SNTG2: variants seen among roughly 807,000 people sequenced by gnomAD.
The protein encoded by SNTG2 is gamma-2-syntrophin.
A neutral mutation model predicts 70.9 loss-of-function variants in SNTG2; 74 were observed. That is an observed-to-expected ratio of 1.04 (90% CI 0.86 to 1.27). The LOEUF (loss-of-function observed/expected upper bound fraction) is 1.27. Among genes scored for constraint, SNTG2 ranks in the 50% most tolerant of loss-of-function variants. The pLI is 0.00. For synonymous variants in SNTG2, 278 were observed against 273.8 expected (o/e 1.02, Z -0.15); for missense variants, 717 against 690.7 (o/e 1.04, Z -0.43).
At position 982,378 on chromosome 2, in the gene SNTG2, A is replaced by T. The variant is rs138545311; in HGVS notation, c.72+31310A>T. ...TCAAAGATGTGCCCTATTAATCTGGATGCTCCCTGCACACCCCCTCGGTAC... is the reference window on the plus strand; with the variant it reads ...TCAAAGATGTGCCCTATTAATCTGGTTGCTCCCTGCACACCCCCTCGGTAC... On this transcript the variant is annotated intron_variant, in intron 1 of 16. Transcript: ENST00000308624. Among the ~76,000 whole-genome samples the T allele has an allele frequency of 1.5e-3, 230 of 152,206 alleles. 1 individual carries two copies. The highest frequency in any genetic ancestry group is 5.4e-3 in the African/African-American group (223 of 41,520).
Position 1,267,547 on chromosome 2 carries a change from G to A in SNTG2, c.1260G>A (p.Thr420=), listed in dbSNP as rs756213124. Residue 420 remains threonine (T), a synonymous_variant, in exon 14 of 17, where the codon ACG becomes ACA. Coordinates refer to ENST00000308624, the MANE Select transcript of SNTG2 (RefSeq NM_018968.4). ...GGGAGAAGTCCTTCCAAAGAGCCACGTTCATGGAAGTTCAGAGAACCGGGG... is the reference window on the plus strand; with the variant it reads ...GGGAGAAGTCCTTCCAAAGAGCCACATTCATGGAAGTTCAGAGAACCGGGG... ...AMWEKSFQRA[T]FMEVQRTGSR... is the part of the protein sequence containing the mutation. 2.4e-5 allele frequency: 39 copies of A among 1,612,920 alleles called. No homozygotes were observed. Among genetic ancestry groups the A allele is most frequent in the South Asian group, 5.5e-5 (5 of 91,026 alleles).
intron 16 of SNTG2, among the ~76,000 whole-genome samples, chr2:1,316,873 A>G (rs113154516): frequency 9.4e-6 from 1 of 106,786 alleles, no homozygotes; most frequent in Non-Finnish European, 2.1e-5. Flanking sequence ...AGCGTTTAGC[A>G]TGAGGCCAGC....
intron 1 of SNTG2, among the ~76,000 whole-genome samples, chr2:996,348 T>C (rs1387926929): frequency 6.6e-6 from 1 of 152,188 alleles, no homozygotes; most frequent in Non-Finnish European, 1.5e-5. Flanking sequence ...GATGGTGCCC[T>C]CAATTTCTAA....
intron 1 of SNTG2, among the ~76,000 whole-genome samples, chr2:984,283 A>C (rs1426357718): frequency 6.8e-6 from 1 of 147,706 alleles, no homozygotes; most frequent in South Asian, 2.1e-4. Context: ...TTTTAATAGC[A>C]CACTTTCATG....
At chr2:1,246,072 T>C (rs767954139) in intron 11 of SNTG2, among the ~76,000 whole-genome samples, 9 of 152,200 alleles carry the variant, frequency 5.9e-5, no homozygotes, top group Non-Finnish European at 8.8e-5. Context: ...ACTAGGAACT[T>C]GGAAGTTCAT....
intron 1 of SNTG2, among the ~76,000 whole-genome samples, chr2:1,051,685 C>A (rs938491397): frequency 6.6e-6 from 1 of 152,180 alleles, no homozygotes; most frequent in Non-Finnish European, 1.5e-5. Flanking sequence ...ATGTTGTGAA[C>A]TATCATTGGA....
intron 1 of SNTG2, among the ~76,000 whole-genome samples, chr2:1,048,881 T>C (rs1661894117): frequency 6.6e-6 from 1 of 152,216 alleles, no homozygotes; most frequent in South Asian, 2.1e-4. Flanking sequence ...GAGGTGATGT[T>C]GTTTTATTGT....
At chr2:991,212 G>A (rs1431541947) in intron 1 of SNTG2, among the ~76,000 whole-genome samples, 1 of 152,164 alleles carries the variant, frequency 6.6e-6, no homozygotes, top group Non-Finnish European at 1.5e-5. Flanking sequence ...ATTATAGCTA[G>A]TTCTCCCTGA....
intron 1 of SNTG2, among the ~76,000 whole-genome samples, chr2:971,790 T>A (rs561306935): frequency 6.6e-6 from 1 of 151,882 alleles, no homozygotes; most frequent in East Asian, 1.9e-4. Context: ...TTGATATGGG[T>A]GTTCAGCACT....
At chr2:1,101,871 C>T (rs1665802803) in intron 4 of SNTG2, among the ~76,000 whole-genome samples, 1 of 152,212 alleles carries the variant, frequency 6.6e-6, no homozygotes, top group African/African-American at 2.4e-5. Context: ...CTCTCATTCT[C>T]CAGGGACACC....
At position 1,071,436 on chromosome 2, in the gene SNTG2, G is replaced by A. The variant is rs1055885367; in HGVS notation, c.73-12082G>A. 3.4e-5 allele frequency among the ~76,000 whole-genome samples: 5 copies of A among 146,220 alleles called. 1 individual carries two copies. Among genetic ancestry groups the A allele is most frequent in the Non-Finnish European group, 7.5e-5 (5 of 66,954 alleles). ...AAACACCGCATATTCTCGCTCATAG[G>A]TGGGAATTGAACAATGAGATCACAT... On this transcript the variant is annotated intron_variant, in intron 1 of 16. Transcript: ENST00000308624.
chr2:1,239,838 T>G, intron 11 of SNTG2, 62 bp downstream of exon 11: 1 of 1,573,566 alleles, frequency 6.4e-7, no homozygotes, highest in South Asian at 1.1e-5. Context: ...ATTTTCTGAT[T>G]CATGATGTAA....
rs1558602437 is a variant in SNTG2 at position 1,255,853 on chromosome 2, A to AATATATATAAAT, written c.1006-3509_1006-3498dup. On this transcript the variant is annotated intron_variant, in intron 12 of 16. Coordinates refer to ENST00000308624, the MANE Select transcript of SNTG2 (RefSeq NM_018968.4). ...ATATAAATATATATAAATATATATA[A>AATATATATAAAT]ATATATATAAATATATATAAATATA... 7.0e-3 allele frequency among the ~76,000 whole-genome samples: 274 copies of AATATATATAAAT among 39,056 alleles called. 1 individual carries two copies. The highest frequency in any genetic ancestry group is 0.02 in the African/African-American group (193 of 9,776). 25.6% of individuals were successfully genotyped at this position (39,056 alleles called of 152,430 possible).
At chr2:991,372 T>TACACACAC (rs61002101) in intron 1 of SNTG2, among the ~76,000 whole-genome samples, 31,579 of 140,040 alleles carry the variant, frequency 0.23, 3,532 homozygotes, top group Non-Finnish European at 0.25. Flanking sequence ...TCTGTAATAT[T>TACACACAC]ACACACACAC....
chr2:1,313,962 A>G (rs1364125110), intron 15 of SNTG2, among the ~76,000 whole-genome samples: 2 of 152,220 alleles, frequency 1.3e-5, no homozygotes, highest in African/African-American at 4.8e-5. Context: ...ATATCAATGG[A>G]CCATAAAGAC....
At chr2:1,149,177 GTTC>G (rs1381012029) in intron 6 of SNTG2, among the ~76,000 whole-genome samples, 6 of 148,078 alleles carry the variant, frequency 4.1e-5, no homozygotes, top group South Asian at 2.2e-4. Context: ...AAACATACAT[GTTC>G]TTCTTGTCGG....
chr2:1,093,432 G>T (rs1665166232), intron 2 of SNTG2, among the ~76,000 whole-genome samples: 1 of 152,204 alleles, frequency 6.6e-6, no homozygotes, highest in African/African-American at 2.4e-5. Context: ...CCAGGCTGCT[G>T]TGTGAAAAGT....
At chr2:1,073,973 C>T (rs1340110660) in intron 1 of SNTG2, among the ~76,000 whole-genome samples, 3 of 152,116 alleles carry the variant, frequency 2.0e-5, no homozygotes, top group Non-Finnish European at 2.9e-5. Context: ...TTCTTTAGCT[C>T]GTATGTGGCT....
Position 1,137,632 on chromosome 2 carries a change from A to G in SNTG2, c.336A>G (p.Thr112=). Residue 112 remains threonine (T), a synonymous_variant, in exon 5 of 17, where the codon ACA becomes ACG. Transcript: ENST00000308624. ...KIFEDQAADQ[T]GMLFVGDAVL... ...TTTGCCACCCTGCAGCTGACCAGACAGGGATGTTGTTCGTAGGAGATGCTG... is the reference window on the plus strand; with the variant it reads ...TTTGCCACCCTGCAGCTGACCAGACGGGGATGTTGTTCGTAGGAGATGCTG... 1.9e-6 allele frequency: 3 copies of G among 1,613,056 alleles called. No homozygotes were observed. The highest frequency in any genetic ancestry group is 2.5e-6 in the Non-Finnish European group (3 of 1,179,660).
Sources: allele counts gnomAD v4.1 joint callset (sites outside exome capture counted in the v4.1 genomes callset), GRCh38; gene constraint gnomAD v4.1.1; transcripts MANE v1.5; gene names NCBI Gene and HGNC (gene_info 2026-07-23, HGNC 2026-07-21).